The following WDR25 variants were observed in gnomAD, a reference collection of about 807,000 sequenced individuals.
WDR25 encodes WD repeat-containing protein 25.
Under a neutral mutation model 47.7 loss-of-function variants are expected in WDR25, and 35 were observed. The observed-to-expected ratio is 0.73, with a 90% CI of 0.56 to 0.97. The LOEUF (loss-of-function observed/expected upper bound fraction) is 0.97, where lower values mean the gene tolerates loss of function less well. WDR25 is among the 50% of genes least tolerant of loss of function. The pLI is 0.00. For synonymous variants in WDR25, 248 were observed against 278.9 expected (o/e 0.89, Z 1.10); for missense variants, 634 against 704.7 (o/e 0.90, Z 1.14).
At chr14:100,426,366 T>C (rs1898168134) in intron 2 of WDR25, among the ~76,000 whole-genome samples, 1 of 152,262 alleles carries the variant, frequency 6.6e-6, no homozygotes, top group Non-Finnish European at 1.5e-5. Flanking sequence ...GGATTGCCCT[T>C]CCAAAGAACT....
At chr14:100,482,673 T>A (rs1357604648) in intron 3 of WDR25, among the ~76,000 whole-genome samples, 1 of 152,162 alleles carries the variant, frequency 6.6e-6, no homozygotes, top group Non-Finnish European at 1.5e-5. Flanking sequence ...GGTGAGCTGG[T>A]AGAGCCCTTC....
At chr14:100,517,375 CCTT>C (rs938311407) in intron 4 of WDR25, among the ~76,000 whole-genome samples, 3 of 151,916 alleles carry the variant, frequency 2.0e-5, no homozygotes, top group Non-Finnish European at 4.4e-5. Flanking sequence ...TCTTTTCCTG[CCTT>C]CTTTGGATTA....
At chr14:100,409,699 T>A (rs1897651021) in intron 2 of WDR25, among the ~76,000 whole-genome samples, 1 of 152,218 alleles carries the variant, frequency 6.6e-6, no homozygotes, top group Non-Finnish European at 1.5e-5. Context: ...TAAATTGAAT[T>A]TGAAGCTGTG....
intron 2 of WDR25, among the ~76,000 whole-genome samples, chr14:100,414,531 TC>T (rs1897813211): frequency 6.6e-6 from 1 of 151,882 alleles, no homozygotes; most frequent in Non-Finnish European, 1.5e-5. Context: ...CAGGCTGGTC[TC>T]GAACTCCTGA....
chr14:100,414,198 A>G (rs992541025), intron 2 of WDR25, among the ~76,000 whole-genome samples: 2 of 151,472 alleles, frequency 1.3e-5, no homozygotes, highest in African/African-American at 4.9e-5. Context: ...AGGTCTCACT[A>G]TGTTGGCCAG....
At chr14:100,417,943 GTC>G (rs1897915461) in intron 2 of WDR25, among the ~76,000 whole-genome samples, 1 of 149,952 alleles carries the variant, frequency 6.7e-6, no homozygotes, top group African/African-American at 2.5e-5. Context: ...GTTTGCTTAT[GTC>G]TTTTTTTTTT....
At chr14:100,461,015 C>T (rs1469065939) in intron 2 of WDR25, among the ~76,000 whole-genome samples, 2 of 152,076 alleles carry the variant, frequency 1.3e-5, no homozygotes, top group Non-Finnish European at 2.9e-5. Flanking sequence ...GAGTTTGAGA[C>T]CAGCTTGGGC....
chr14:100,418,785 C>T (rs528486547), intron 2 of WDR25, among the ~76,000 whole-genome samples: 9 of 152,076 alleles, frequency 5.9e-5, no homozygotes, highest in South Asian at 2.1e-4. Flanking sequence ...GTCCTACTCA[C>T]GCCACACCTA....
intron 2 of WDR25, among the ~76,000 whole-genome samples, chr14:100,445,218 A>G (rs1464878856): frequency 6.6e-6 from 1 of 152,244 alleles, no homozygotes; most frequent in Non-Finnish European, 1.5e-5. Flanking sequence ...CAAAGTCTGG[A>G]TGAATTTAAG....
At chr14:100,472,912 C>T (rs1361505187) in intron 3 of WDR25, among the ~76,000 whole-genome samples, 3 of 152,268 alleles carry the variant, frequency 2.0e-5, no homozygotes, top group Non-Finnish European at 2.9e-5. Context: ...CCACAGCCTG[C>T]AGCTCTGCTG....
chr14:100,507,941 C>G (rs556102256), intron 4 of WDR25, among the ~76,000 whole-genome samples: 1 of 151,960 alleles, frequency 6.6e-6, no homozygotes, highest in East Asian at 1.9e-4. Flanking sequence ...TCTACAAAGC[C>G]AACATTTCAT....
chr14:100,446,084 C>G (rs1898823285), intron 2 of WDR25, among the ~76,000 whole-genome samples: 1 of 152,170 alleles, frequency 6.6e-6, no homozygotes, highest in Non-Finnish European at 1.5e-5. Flanking sequence ...CTGACTGTTT[C>G]AGTGCTGTGC....
chr14:100,490,571 A>G (rs986548938), intron 4 of WDR25, among the ~76,000 whole-genome samples: 2 of 152,242 alleles, frequency 1.3e-5, no homozygotes, highest in African/African-American at 4.8e-5. Context: ...GGAGCATTAG[A>G]AACTATTGCT....
At chr14:100,395,191 C>A (rs2140160270) in intron 2 of WDR25, among the ~76,000 whole-genome samples, 1 of 152,286 alleles carries the variant, frequency 6.6e-6, no homozygotes, top group East Asian at 1.9e-4. Context: ...CTCATTTGCC[C>A]TCAGCTGGGT....
intron 2 of WDR25, among the ~76,000 whole-genome samples, chr14:100,395,188 G>A (rs2140160253): frequency 6.6e-6 from 1 of 152,304 alleles, no homozygotes; most frequent in East Asian, 1.9e-4. Flanking sequence ...CATCTCATTT[G>A]CCCTCAGCTG....
rs146625790 is a variant in WDR25, at chr14:100,486,338, C to A, written c.1101+2214C>A. 3.9e-3 allele frequency among the ~76,000 whole-genome samples: 593 copies of A among 152,274 alleles called. 7 individuals carry two copies. Among genetic ancestry groups the A allele is most frequent in the African/African-American group, 0.014 (568 of 41,534 alleles). On this transcript the variant is annotated intron_variant, in intron 4 of 6. Coordinates refer to ENST00000402312, the MANE Select transcript of WDR25 (RefSeq NM_001161476.3). ...CAGGGCAGATGCCAGCTGACGAGCTCTGAAAATGCTGGGGGAGAAGCAATT... is the reference window on the plus strand; with the variant it reads ...CAGGGCAGATGCCAGCTGACGAGCTATGAAAATGCTGGGGGAGAAGCAATT...
rs1365124201 is a variant in WDR25 at position 100,422,263 on chromosome 14, C to T, written c.822+40517C>T. On this transcript the variant is annotated intron_variant, in intron 2 of 6. Coordinates refer to ENST00000402312, the MANE Select transcript of WDR25 (RefSeq NM_001161476.3). ...GCTGGGACCCTGGCTGTGCTGTTTG[C>T]TGGAGTATTACATGTGGCCTCTCCA... is the stretch of plus-strand genomic sequence containing the variant. 2.0e-5 allele frequency among the ~76,000 whole-genome samples: 3 copies of T among 152,288 alleles called. No homozygotes were observed. In the East Asian group the frequency reaches 5.8e-4, roughly 29 times the overall value.
intron 2 of WDR25, among the ~76,000 whole-genome samples, chr14:100,466,552 G>T (rs1899634481): frequency 6.6e-6 from 1 of 152,190 alleles, no homozygotes; most frequent in South Asian, 2.1e-4. Context: ...TATGCCATGT[G>T]CTGTGCAGCC....
intron 2 of WDR25, among the ~76,000 whole-genome samples, chr14:100,461,018 G>A (rs897896806): frequency 1.3e-5 from 2 of 152,138 alleles, no homozygotes; most frequent in African/African-American, 4.8e-5. Flanking sequence ...TTTGAGACCA[G>A]CTTGGGCAAC....
Sources: allele counts gnomAD v4.1 joint callset (sites outside exome capture counted in the v4.1 genomes callset), GRCh38; gene constraint gnomAD v4.1.1; transcripts MANE v1.5; gene names NCBI Gene and HGNC (gene_info 2026-07-23, HGNC 2026-07-21).